COG2: variants seen among roughly 807,000 people sequenced by gnomAD.
COG2 encodes component of oligomeric golgi complex 2.
In COG2, 52 loss-of-function variants were observed where a neutral mutation model predicts 90.6. That is an observed-to-expected ratio of 0.57 (90% CI 0.46 to 0.72). The LOEUF is 0.72. Among genes scored for constraint, COG2 ranks in the 30% least tolerant of loss-of-function variants. COG2 has a pLI of 0.00. For synonymous variants in COG2, 337 were observed against 320.4 expected (o/e 1.05, Z -0.55); for missense variants, 829 against 891.2 (o/e 0.93, Z 0.89).
intron 11 of COG2, 146 bp downstream of exon 11, chr1:230,683,781 G>A (rs978539451): frequency 5.0e-6 from 3 of 601,176 alleles, no homozygotes; most frequent in Non-Finnish European, 5.8e-6. Flanking sequence ...AAATCACTTA[G>A]TTTGACTTCT....
At position 230,690,006 on chromosome 1, in the gene COG2, C is replaced by T. The variant is rs111416141; in HGVS notation, c.1795-8C>T. On this transcript the variant is annotated splice_region_variant and splice_polypyrimidine_tract_variant and intron_variant, in intron 15 of 17. Transcript: ENST00000366669. ...GTGCATCTTTATCTCCTACCATCAT[C>T]ATTCCAGGAGGTCCCAACCACAGCT... is the stretch of plus-strand genomic sequence containing the variant. 1.9e-6 allele frequency: 3 copies of T among 1,575,412 alleles called. No homozygotes were observed. The African/African-American group carries it at 4.1e-5, about 22-fold the overall frequency.
intron 10 of COG2, chr1:230,682,399 C>T (rs370452900): frequency 2.0e-5 from 3 of 152,306 alleles, no homozygotes; most frequent in Admixed American, 1.3e-4. Flanking sequence ...GCTCTCTTAT[C>T]CCACTTTTCC....
chr1:230,683,912 C>T (rs930826038), intron 11 of COG2, among the ~76,000 whole-genome samples: 51 of 152,080 alleles, frequency 3.4e-4, no homozygotes, highest in African/African-American at 1.2e-3. Context: ...CTGGCTTAGC[C>T]TCGAAAGTAG....
chr1:230,660,707 C>G (rs762582620), intron 2 of COG2, 51 bp from the exon 3 acceptor site: 13 of 1,270,416 alleles, frequency 1.0e-5, no homozygotes, highest in South Asian at 1.4e-5. Flanking sequence ...GGATACTTAG[C>G]TGTTACTCTT....
intron 5 of COG2, among the ~76,000 whole-genome samples, chr1:230,665,911 TC>T (rs1410684918): frequency 6.6e-6 from 1 of 152,138 alleles, no homozygotes; most frequent in African/African-American, 2.4e-5. Flanking sequence ...CCTTCCCCAT[TC>T]CTACTCTGTT....
intron 6 of COG2, 136 bp from the exon 7 acceptor site, chr1:230,669,220 C>A: frequency 1.4e-6 from 1 of 731,554 alleles, no homozygotes; most frequent in Non-Finnish European, 2.2e-6. Flanking sequence ...CATTGTTATT[C>A]TCCAGGAAAA....
intron 3 of COG2, 154 bp downstream of exon 3, chr1:230,660,977 T>C: frequency 2.3e-6 from 1 of 437,260 alleles, no homozygotes; most frequent in South Asian, 5.6e-5. Context: ...AAGTTGTAAA[T>C]CCTTCTCTAT....
At chr1:230,679,680 A>G (rs1352335688) in intron 10 of COG2, 2 of 152,234 alleles carry the variant, frequency 1.3e-5, no homozygotes, top group African/African-American at 4.8e-5. Context: ...CTTGGGGGAA[A>G]TTTAGGATGA....
chr1:230,666,849 G>A (rs1034503557), intron 5 of COG2, among the ~76,000 whole-genome samples: 5 of 152,168 alleles, frequency 3.3e-5, no homozygotes, highest in Non-Finnish European at 7.3e-5. Flanking sequence ...AAACGATATG[G>A]ATTTGTTTTG....
chr1:230,688,646 G>A (rs528919377), intron 15 of COG2, 84 bp downstream of exon 15: 30 of 1,432,072 alleles, frequency 2.1e-5, no homozygotes, highest in South Asian at 3.6e-5. Flanking sequence ...AGGAAGCGGC[G>A]GATTCCCAGG....
At chr1:230,685,963 C>T (rs528762909) in intron 12 of COG2, among the ~76,000 whole-genome samples, 2 of 152,330 alleles carry the variant, frequency 1.3e-5, no homozygotes, top group South Asian at 4.1e-4. Flanking sequence ...AGGGAGAAAA[C>T]AGCACACTTT....
At chr1:230,678,542 CCTT>C (rs760639594) in intron 9 of COG2, 152 of 1,156,282 alleles carry the variant, frequency 1.3e-4, no homozygotes, top group Non-Finnish European at 1.6e-4. Context: ...AGAATTTTCT[CCTT>C]CTTTCTCCTT....
At chr1:230,653,806 A>G (rs1000453977) in intron 1 of COG2, among the ~76,000 whole-genome samples, 4 of 152,086 alleles carry the variant, frequency 2.6e-5, no homozygotes, top group Non-Finnish European at 5.9e-5. Context: ...ATGTGGCAGA[A>G]GTTGGATGGC....
intron 5 of COG2, 37 bp downstream of exon 5, chr1:230,664,624 C>G (rs1662272805): frequency 9.4e-7 from 1 of 1,060,252 alleles, no homozygotes; most frequent in Non-Finnish European, 1.4e-6. Flanking sequence ...TAAATTAATA[C>G]TTCACATCCA....
At chr1:230,644,716 T>C (rs1283548474) in intron 1 of COG2, among the ~76,000 whole-genome samples, 1 of 152,358 alleles carries the variant, frequency 6.6e-6, no homozygotes, top group East Asian at 1.9e-4. Context: ...GATCACCTGC[T>C]GTGTGCAGGT....
intron 1 of COG2, among the ~76,000 whole-genome samples, chr1:230,644,802 A>G (rs112087506): frequency 0.022 from 3,314 of 152,310 alleles, 116 homozygotes; most frequent in African/African-American, 0.076. Context: ...AGTCAGGTTA[A>G]AAGCAGGAAA....
In COG2 at chr1:230,668,660, CTG is replaced by C. The variant is rs770332816; in HGVS notation, c.486-14_486-13del. On this transcript the variant is annotated splice_polypyrimidine_tract_variant and intron_variant, in intron 5 of 17. Coordinates refer to ENST00000366669, the MANE Select transcript of COG2 (RefSeq NM_007357.3). Reference sequence around the variant, plus strand: ...GACCTTAGGGGTTACACTTCTATAACTGTTTTCTCTACTAGCCCCCTTTTGAC... The same window carrying C: ...GACCTTAGGGGTTACACTTCTATAACTTTTCTCTACTAGCCCCCTTTTGAC... 6.5e-7 allele frequency: 1 copy of C among 1,531,796 alleles called. No individual in the cohort carries two copies. Among genetic ancestry groups the C allele is most frequent in the African/African-American group, 1.4e-5 (1 of 73,182 alleles). The allele number at this position is 1,531,796 out of a possible 1,614,324, so 94.9% of individuals were successfully genotyped here.
At chr1:230,653,321 A>G (rs1661959967) in intron 1 of COG2, among the ~76,000 whole-genome samples, 1 of 151,752 alleles carries the variant, frequency 6.6e-6, no homozygotes, top group African/African-American at 2.4e-5. Flanking sequence ...CCAGGCCTCA[A>G]GCAATTCTCA....
chr1:230,648,659 A>G (rs985146923), intron 1 of COG2, among the ~76,000 whole-genome samples: 4 of 152,220 alleles, frequency 2.6e-5, no homozygotes, highest in African/African-American at 9.6e-5. Context: ...TGTTGAACTC[A>G]TGGTCCCTTG....
Sources: gnomAD v4.1 joint callset for allele counts (sites outside exome capture counted in the v4.1 genomes callset) on GRCh38, gnomAD v4.1.1 for gene constraint, MANE v1.5 for transcripts, NCBI Gene and HGNC (gene_info 2026-07-23, HGNC 2026-07-21) for gene names.